STIM1: variants seen among roughly 807,000 people sequenced by gnomAD.
STIM1 encodes stromal interaction molecule 1.
Under a neutral mutation model 74.7 loss-of-function variants are expected in STIM1, and 25 were observed. The observed-to-expected ratio is 0.33, with a 90% CI of 0.24 to 0.47. The LOEUF (loss-of-function observed/expected upper bound fraction) is 0.47. Ranked by LOEUF, STIM1 falls within the 20% of genes least tolerant of loss-of-function variation. The pLI is 1.00. For missense variants in STIM1, 728 were observed against 920.8 expected, an observed-to-expected ratio of 0.79 and a Z score of 2.71; for synonymous variants, 328 against 348.8, an observed-to-expected ratio of 0.94 and a Z score of 0.66.
At chr11:4,029,072 C>T (rs1028694850) in intron 3 of STIM1, among the ~76,000 whole-genome samples, 2 of 151,954 alleles carry the variant, frequency 1.3e-5, no homozygotes, top group African/African-American at 4.8e-5. Flanking sequence ...CCTGTAATCC[C>T]AGCTGCTCGG....
chr11:3,994,245 CAT>C (rs1375775261), intron 2 of STIM1, among the ~76,000 whole-genome samples: 1 of 152,134 alleles, frequency 6.6e-6, no homozygotes, highest in Non-Finnish European at 1.5e-5. Flanking sequence ...ACTGGGTTCA[CAT>C]GTGTGTGATG....
intron 1 of STIM1, among the ~76,000 whole-genome samples, chr11:3,885,797 C>A (rs887059693): frequency 9.2e-5 from 14 of 152,158 alleles, no homozygotes; most frequent in African/African-American, 3.4e-4. Flanking sequence ...GCAACCACAC[C>A]TGGCTAATTT....
intron 2 of STIM1, among the ~76,000 whole-genome samples, chr11:3,981,548 AAGG>A (rs1392131638): frequency 1.3e-5 from 2 of 152,172 alleles, no homozygotes; most frequent in East Asian, 3.8e-4. Flanking sequence ...CTCTAGTGCA[AAGG>A]AGGAGTACAG....
intron 1 of STIM1, among the ~76,000 whole-genome samples, chr11:3,936,266 A>T (rs953584680): frequency 1.3e-5 from 2 of 152,198 alleles, no homozygotes; most frequent in Admixed American, 6.5e-5. Flanking sequence ...CATTCTTCTG[A>T]GCTGTGCTAC....
At chr11:4,038,347 A>G (rs1009402038) in intron 3 of STIM1, among the ~76,000 whole-genome samples, 24 of 152,060 alleles carry the variant, frequency 1.6e-4, no homozygotes, top group African/African-American at 5.6e-4. Context: ...CTTTCAAGAT[A>G]TATTATAACA....
At chr11:4,000,249 C>G (rs2135901507) in intron 2 of STIM1, among the ~76,000 whole-genome samples, 1 of 105,942 alleles carries the variant, frequency 9.4e-6, no homozygotes, top group African/African-American at 3.0e-5. Flanking sequence ...TCCCAGCATG[C>G]AGCTGCAGAT....
At chr11:3,897,611 A>G (rs1419476131) in intron 1 of STIM1, among the ~76,000 whole-genome samples, 2 of 152,214 alleles carry the variant, frequency 1.3e-5, no homozygotes. Flanking sequence ...TGCTGCACCC[A>G]TTAACTCGTC....
At chr11:3,969,956 C>G (rs1406456455) in intron 2 of STIM1, among the ~76,000 whole-genome samples, 2 of 152,196 alleles carry the variant, frequency 1.3e-5, no homozygotes, top group African/African-American at 4.8e-5. Flanking sequence ...TGAATGAGGC[C>G]TAGTGGCATC....
chr11:4,001,190 A>G (rs1158173610), intron 2 of STIM1, among the ~76,000 whole-genome samples: 2 of 152,122 alleles, frequency 1.3e-5, no homozygotes, highest in Admixed American at 6.5e-5. Flanking sequence ...GAACTTCCCC[A>G]ATCTAGCAAG....
intron 1 of STIM1, among the ~76,000 whole-genome samples, chr11:3,957,531 A>G (rs1374716734): frequency 2.6e-5 from 4 of 151,938 alleles, no homozygotes; most frequent in Non-Finnish European, 5.9e-5. Flanking sequence ...TGCTGAGATT[A>G]CTAGGGTGAG....
intron 2 of STIM1, among the ~76,000 whole-genome samples, chr11:3,978,665 G>C (rs1017565000): frequency 5.3e-5 from 8 of 151,972 alleles, no homozygotes; most frequent in Non-Finnish European, 1.2e-4. Flanking sequence ...GGAGGCTGAG[G>C]CATGAGAATC....
At chr11:3,980,456 C>T (rs1203265656) in intron 2 of STIM1, among the ~76,000 whole-genome samples, 1 of 151,960 alleles carries the variant, frequency 6.6e-6, no homozygotes, top group African/African-American at 2.4e-5. Context: ...AAATCCTTAT[C>T]CTGGCATTTC....
chr11:3,917,947 A>G (rs1364337544), intron 1 of STIM1, among the ~76,000 whole-genome samples: 3 of 152,190 alleles, frequency 2.0e-5, no homozygotes, highest in Non-Finnish European at 2.9e-5. Flanking sequence ...ATAATTTTGC[A>G]TTTGTTGTGA....
chr11:3,878,168 G>A (rs2135306205), intron 1 of STIM1, among the ~76,000 whole-genome samples: 1 of 152,230 alleles, frequency 6.6e-6, no homozygotes, highest in Non-Finnish European at 1.5e-5. Context: ...TTGCTGTAGG[G>A]GAGATCTCAC....
chr11:3,935,966 A>G (rs979419827), intron 1 of STIM1, among the ~76,000 whole-genome samples: 2 of 152,204 alleles, frequency 1.3e-5, no homozygotes, highest in African/African-American at 2.4e-5. Context: ...ACAATCATCC[A>G]TGAGTAGTTA....
intron 2 of STIM1, chr11:3,973,426 G>T (rs1590613775): frequency 2.0e-5 from 7 of 357,860 alleles, no homozygotes; most frequent in South Asian, 1.8e-4. Context: ...TCGAGACAAG[G>T]TCTTGCTCTG....
intron 1 of STIM1, among the ~76,000 whole-genome samples, chr11:3,963,492 G>C (rs1437541113): frequency 6.6e-6 from 1 of 152,132 alleles, no homozygotes; most frequent in Admixed American, 6.5e-5. Flanking sequence ...GTAATTAAAA[G>C]ATGTTATGCA....
intron 1 of STIM1, among the ~76,000 whole-genome samples, chr11:3,904,196 CAAAAAAA>C (rs57908154): frequency 6.9e-4 from 51 of 73,856 alleles, no homozygotes; most frequent in Non-Finnish European, 1.0e-3. Flanking sequence ...GACTCTGTCT[CAAAAAAA>C]AAAAAAAAAA....
intron 2 of STIM1, among the ~76,000 whole-genome samples, chr11:3,978,895 A>C (rs895361039): frequency 6.6e-6 from 1 of 152,042 alleles, no homozygotes; most frequent in Non-Finnish European, 1.5e-5. Flanking sequence ...CGATGCCACC[A>C]TTTGGCTTCA....
Sources: gnomAD v4.1 joint callset for allele counts (sites outside exome capture counted in the v4.1 genomes callset) on GRCh38, gnomAD v4.1.1 for gene constraint, MANE v1.5 for transcripts, NCBI Gene and HGNC (gene_info 2026-07-23, HGNC 2026-07-21) for gene names.